Variants in GPATCH2L observed in about 807,000 individuals in gnomAD.
GPATCH2L encodes the protein G patch domain-containing protein 2-like.
Under a neutral mutation model 57.4 loss-of-function variants are expected in GPATCH2L, and 31 were observed. The ratio of observed to expected loss-of-function variants is 0.54; its 90% CI spans 0.41 to 0.73. The LOEUF is 0.73. GPATCH2L is among the 30% of genes least tolerant of loss of function. The probability of loss-of-function intolerance (pLI) is 0.00; values close to 1 mark genes in which losing one functional copy is unlikely to be tolerated. For synonymous variants in GPATCH2L, 199 were observed against 210.7 expected, an observed-to-expected ratio of 0.94 and a Z score of 0.48; for missense variants, 481 against 599.9, an observed-to-expected ratio of 0.80 and a Z score of 2.07.
In GPATCH2L at chr14:76,210,674, G is replaced by C. The variant is rs1175946524; in HGVS notation, c.*8823G>C. 4.6e-5 allele frequency: 7 copies of C among 152,192 alleles called. No individual in the cohort carries two copies. The highest frequency in any genetic ancestry group is 9.7e-5 in the African/African-American group (4 of 41,436). The allele number at this position is 152,192 out of a possible 1,614,324, so 9.4% of individuals were successfully genotyped here. ...CTTGCAAACCTGTGGCAATAAGAAGGTATTATCCTTTCTGTACCAAGGCAC... is the reference window on the plus strand; with the variant it reads ...CTTGCAAACCTGTGGCAATAAGAAGCTATTATCCTTTCTGTACCAAGGCAC... On this transcript the variant is annotated 3_prime_UTR_variant, in exon 10 of 10. Coordinates refer to ENST00000261530, the MANE Select transcript of GPATCH2L (RefSeq NM_017926.4).
rs553596776 is a variant in GPATCH2L, at chr14:76,161,407, C to G, written c.663-5256C>G. Among the ~76,000 whole-genome samples, 49 of 152,208 alleles carry G rather than the reference C, an allele frequency of 3.2e-4. No individual in the cohort carries two copies. In the Middle Eastern group the frequency reaches 0.01, roughly 32 times the overall value. On this transcript the variant is annotated intron_variant, in intron 2 of 9. Transcript: ENST00000261530. ...AGCTCTTAAATGGGGAGAAACAAAC[C>G]CAGATGGTAATTTATTAATACCAAC...
downstream of GPATCH2L, among the ~76,000 whole-genome samples, chr14:76,216,871 T>C (rs766503053): frequency 1.3e-5 from 2 of 152,066 alleles, no homozygotes; most frequent in Non-Finnish European, 2.9e-5. Flanking sequence ...ACAGGCCCAA[T>C]TGCATATGAA....
chr14:76,213,810 A>G lies in GPATCH2L; in HGVS notation c.*11959A>G, dbSNP rs2040467347. On this transcript the variant is annotated 3_prime_UTR_variant, in exon 10 of 10. Transcript: ENST00000261530. ...TACCAATGGTACAATTATTGAAACT[A>G]GGAAATTAACATTGGCACAATCCTA... The G allele has an allele frequency of 1.3e-5, 2 of 152,224 alleles. No homozygotes were observed. 9.4% of individuals were successfully genotyped at this position (152,224 alleles called of 1,614,324 possible). A position where few individuals can be genotyped will look rare whatever the true frequency, so the allele number is the denominator to read the frequency against.
At chr14:76,152,555 C>G (rs1275257198) in intron 1 of GPATCH2L, 1 of 423,696 alleles carries the variant, frequency 2.4e-6, no homozygotes, top group Non-Finnish European at 4.8e-6. Flanking sequence ...CCTTCCTGTG[C>G]GTGACTCAGC....
chr14:76,184,026 GTGTGTGT>G (rs767329959), intron 8 of GPATCH2L, among the ~76,000 whole-genome samples: 1,956 of 145,882 alleles, frequency 0.013, 23 homozygotes, highest in South Asian at 0.017. Flanking sequence ...TTAGCATGGT[GTGTGTGT>G]GTGTGTGTGT....
At chr14:76,218,369 A>G (rs1184193142), downstream of GPATCH2L, among the ~76,000 whole-genome samples, 1 of 152,130 alleles carries the variant, frequency 6.6e-6, no homozygotes, top group Non-Finnish European at 1.5e-5. Flanking sequence ...TCAGAAATCA[A>G]TAGCTTTTAT....
At position 76,210,263 on chromosome 14, in the gene GPATCH2L, A is replaced by G. The variant is rs1465670029; in HGVS notation, c.*8412A>G. ...TCTCCATTTTAAAACAATGAAATAC[A>G]CTTACAGTTACAGACAAACTTGCTC... On this transcript the variant is annotated 3_prime_UTR_variant, in exon 10 of 10. Transcript: ENST00000261530. 5 of 152,192 alleles carry G rather than the reference A, an allele frequency of 3.3e-5. No individual in the cohort carries two copies. Among genetic ancestry groups the G allele is most frequent in the African/African-American group, 1.2e-4 (5 of 41,468 alleles). The allele number at this position is 152,192 out of a possible 1,614,324, so 9.4% of individuals were successfully genotyped here.
At chr14:76,152,332 T>C (rs1594892928) in intron 1 of GPATCH2L, among the ~76,000 whole-genome samples, 1 of 152,238 alleles carries the variant, frequency 6.6e-6, no homozygotes, top group Admixed American at 6.5e-5. Context: ...ACAGTTTTTG[T>C]CATATATGTG....
chr14:76,197,321 T>C (rs889438391), intron 9 of GPATCH2L, among the ~76,000 whole-genome samples: 6 of 152,236 alleles, frequency 3.9e-5, no homozygotes, highest in Admixed American at 1.3e-4. Context: ...TTGTTCTTTT[T>C]TTCTCCTTAA....
intron 5 of GPATCH2L, chr14:76,176,361 C>A: frequency 2.2e-6 from 1 of 462,626 alleles, no homozygotes; most frequent in Non-Finnish European, 3.9e-6. Context: ...TATTAAAATA[C>A]CATATATGGT....
chr14:76,232,580 T>G (rs1249979508), intron 2 of GPATCH2L, among the ~76,000 whole-genome samples: 3 of 152,046 alleles, frequency 2.0e-5, no homozygotes, highest in African/African-American at 7.2e-5. Context: ...CATTCTGGGG[T>G]TTGATAATTC....
intron 8 of GPATCH2L, among the ~76,000 whole-genome samples, chr14:76,190,826 A>G (rs2039936976): frequency 6.6e-6 from 1 of 152,144 alleles, no homozygotes; most frequent in African/African-American, 2.4e-5. Context: ...CAGCCTACTG[A>G]ATTAGGATCT....
intron 9 of GPATCH2L, among the ~76,000 whole-genome samples, chr14:76,200,795 T>C (rs1435879921): frequency 1.3e-5 from 2 of 152,182 alleles, no homozygotes; most frequent in Non-Finnish European, 2.9e-5. Context: ...AATTACTGTT[T>C]TAGGTTACGT....
chr14:76,176,457 GATTCCAATAAAA>G, intron 5 of GPATCH2L, 154 bp from the exon 6 acceptor site: 1 of 609,462 alleles, frequency 1.6e-6, no homozygotes, highest in Non-Finnish European at 2.9e-6. Context: ...TTTTAAGATG[GATTCCAATAAAA>G]AGAAGTATAG....
At chr14:76,184,307 C>G (rs1404713379) in intron 8 of GPATCH2L, among the ~76,000 whole-genome samples, 1 of 152,068 alleles carries the variant, frequency 6.6e-6, no homozygotes, top group Non-Finnish European at 1.5e-5. Context: ...TATAATTACT[C>G]TCCTTTAAGA....
At chr14:76,160,457 T>C (rs1322714558) in intron 2 of GPATCH2L, among the ~76,000 whole-genome samples, 1 of 152,140 alleles carries the variant, frequency 6.6e-6, no homozygotes, top group Non-Finnish European at 1.5e-5. Context: ...TTAGTAGCTC[T>C]AAACAAAGAG....
chr14:76,231,883 G>A (rs943697121), intron 2 of GPATCH2L, among the ~76,000 whole-genome samples: 2 of 11,958 alleles, frequency 1.7e-4, no homozygotes, highest in Non-Finnish European at 5.9e-4. Context: ...GTGTTACATA[G>A]CCATCCTCCC....
intron 9 of GPATCH2L, among the ~76,000 whole-genome samples, chr14:76,199,636 G>T (rs1211008269): frequency 6.6e-6 from 1 of 152,074 alleles, no homozygotes; most frequent in Non-Finnish European, 1.5e-5. Context: ...TCATTAGGAT[G>T]GCTATATCAA....
In GPATCH2L at chr14:76,195,898, G is replaced by T. The variant is rs755525740; in HGVS notation, c.1214G>T (p.Gly405Val). The T allele has an allele frequency of 6.2e-7, 1 of 1,613,592 alleles. No individual in the cohort carries two copies. ...CSARQANVHW[G>V]PPCSRDIKRK... ...TGCAGACAGGCAAATGTACACTGGG[G>T]ACCACCATGTTCACGTGACATCAAG... Residue 405 changes from glycine to valine, a missense_variant, in exon 9 of 10, where the codon GGA (glycine) becomes GTA (valine). Gly to Val is a moderately radical substitution (Grantham distance 109). This residue lies in a region of GPATCH2L where 248 missense variants were observed against 270.5 expected (regional missense o/e 0.92). Transcript: ENST00000261530.
Sources: gnomAD v4.1 joint callset for allele counts (sites outside exome capture counted in the v4.1 genomes callset) on GRCh38, gnomAD v4.1.1 for gene constraint, gnomAD v4.1.1 regional missense constraint, MANE v1.5 for transcripts, NCBI Gene and HGNC (gene_info 2026-07-23, HGNC 2026-07-21) for gene names.